The following MEGF11 variants were observed in gnomAD, a reference collection of about 807,000 sequenced individuals.
The protein encoded by MEGF11 is multiple epidermal growth factor-like domains protein 11.
MEGF11 carries 126 observed loss-of-function variants against 146.6 expected under a neutral mutation model. The observed-to-expected ratio is 0.86, with a 90% CI of 0.74 to 1.00. The LOEUF is 1.00. Among genes scored for constraint, MEGF11 ranks in the 50% least tolerant of loss-of-function variants. The probability of loss-of-function intolerance (pLI) is 0.00; values close to 1 mark genes in which losing one functional copy is unlikely to be tolerated. For synonymous variants in MEGF11, 532 were observed against 583.4 expected (o/e 0.91, Z 1.27); for missense variants, 1,509 against 1,521.2 (o/e 0.99, Z 0.13).
At chr15:65,986,516 C>T (rs577290584) in intron 5 of MEGF11, among the ~76,000 whole-genome samples, 1 of 152,202 alleles carries the variant, frequency 6.6e-6, no homozygotes, top group Non-Finnish European at 1.5e-5. Context: ...TGTTAGGGTT[C>T]ACAGGGATAA....
chr15:66,248,206 G>C (rs2092322739), intron 1 of MEGF11, among the ~76,000 whole-genome samples: 2 of 152,152 alleles, frequency 1.3e-5, no homozygotes, highest in African/African-American at 4.8e-5. Flanking sequence ...TTGTGATCTT[G>C]GGAACAGGAA....
intron 1 of MEGF11, among the ~76,000 whole-genome samples, chr15:66,221,454 G>T (rs1469941979): frequency 6.6e-6 from 1 of 151,794 alleles, no homozygotes; most frequent in Non-Finnish European, 1.5e-5. Flanking sequence ...GGTATCTACA[G>T]ACCTCACATA....
chr15:65,913,904 G>A lies in MEGF11; in HGVS notation c.2543C>T (p.Ser848Leu), dbSNP rs1011750700. The A allele has an allele frequency of 3.1e-6, 5 of 1,614,024 alleles. No homozygotes were observed. The highest frequency in any genetic ancestry group is 1.1e-5 in the South Asian group (1 of 91,078). ...ISPALGAERHSVGAVTGIMLL... is the reference protein window; with the variant it reads ...ISPALGAERHLVGAVTGIMLL... ...CATGATGCCTGTGACAGCACCCACC[G>A]AGTGCCGCTCTGCACCCAGTGCTGG... Residue 848 changes from serine to leucine, a missense_variant, in exon 20 of 26, where the codon TCG (serine) becomes TTG (leucine). By Grantham distance (145) the Ser-to-Leu change is moderately radical. Coordinates refer to ENST00000395614, the MANE Select transcript of MEGF11 (RefSeq NM_001385028.1).
intron 9 of MEGF11, among the ~76,000 whole-genome samples, chr15:65,963,856 G>A (rs1024782762): frequency 4.6e-5 from 7 of 152,176 alleles, no homozygotes; most frequent in African/African-American, 1.7e-4. Flanking sequence ...TGCAGTGAAC[G>A]AGGCTCCAGA....
intron 1 of MEGF11, among the ~76,000 whole-genome samples, chr15:66,227,276 G>A (rs1326955815): frequency 6.6e-6 from 1 of 152,144 alleles, no homozygotes; most frequent in Non-Finnish European, 1.5e-5. Context: ...TCCTCCTGGA[G>A]CTGCTGTGAG....
At chr15:66,057,445 G>A (rs905674150) in intron 5 of MEGF11, among the ~76,000 whole-genome samples, 5 of 152,098 alleles carry the variant, frequency 3.3e-5, no homozygotes, top group African/African-American at 9.7e-5. Flanking sequence ...AGAATGCATT[G>A]GTAAGCAGCA....
At chr15:66,086,403 G>A (rs1567233972) in intron 5 of MEGF11, among the ~76,000 whole-genome samples, 1 of 152,226 alleles carries the variant, frequency 6.6e-6, no homozygotes, top group Non-Finnish European at 1.5e-5. Flanking sequence ...CTTAAGGGCT[G>A]TGAGACAGAA....
At chr15:66,020,873 T>TC (rs2083088522) in intron 5 of MEGF11, among the ~76,000 whole-genome samples, 1 of 151,852 alleles carries the variant, frequency 6.6e-6, no homozygotes, top group African/African-American at 2.4e-5. Context: ...GCGCCTGTAG[T>TC]CCCAGCTACT....
At chr15:66,118,513 A>G (rs1170983308) in intron 4 of MEGF11, among the ~76,000 whole-genome samples, 1 of 151,176 alleles carries the variant, frequency 6.6e-6, no homozygotes. Flanking sequence ...TCATGCACCC[A>G]CCTCTTCTCC....
At chr15:66,201,946 C>CAAAAAAA (rs71139471) in intron 1 of MEGF11, among the ~76,000 whole-genome samples, 1 of 31,800 alleles carries the variant, frequency 3.1e-5, no homozygotes, top group African/African-American at 1.4e-4. Flanking sequence ...GACTCCATCT[C>CAAAAAAA]AAAAAAAAAA....
intron 1 of MEGF11, among the ~76,000 whole-genome samples, chr15:66,214,883 G>T (rs1467894969): frequency 1.3e-5 from 2 of 152,092 alleles, no homozygotes; most frequent in Non-Finnish European, 2.9e-5. Flanking sequence ...GAAGATGGGG[G>T]TAAGAGGAGA....
chr15:66,154,206 AAAC>A (rs906999107), intron 1 of MEGF11, among the ~76,000 whole-genome samples: 1 of 152,242 alleles, frequency 6.6e-6, no homozygotes, highest in African/African-American at 2.4e-5. Flanking sequence ...TTGCTACCCG[AAAC>A]AACAACATCA....
In MEGF11 at chr15:65,898,714, T is replaced by G. The variant is rs750910079; in HGVS notation, c.3262+14A>C. On this transcript the variant is annotated intron_variant, in intron 25 of 25. Coordinates refer to ENST00000395614, the MANE Select transcript of MEGF11 (RefSeq NM_001385028.1). Reference sequence around the variant, plus strand: ...TGCCCTGATTTCACTAAGTTACTTATTTGAGACACCTACCAACTTCATATA... The same window carrying G: ...TGCCCTGATTTCACTAAGTTACTTAGTTGAGACACCTACCAACTTCATATA... 29 of 1,612,732 alleles carry G rather than the reference T, an allele frequency of 1.8e-5. No individual in the cohort carries two copies. Among genetic ancestry groups the G allele is most frequent in the Non-Finnish European group, 2.5e-5 (29 of 1,179,382 alleles).
At chr15:66,008,405 GCGCGCGCACACACACACA>G (rs1308441189) in intron 5 of MEGF11, among the ~76,000 whole-genome samples, 4 of 18,064 alleles carry the variant, frequency 2.2e-4, no homozygotes, top group African/African-American at 1.5e-4. Flanking sequence ...ATGCACACGC[GCGCGCGCACACACACACA>G]CACACACACA....
At chr15:65,955,767 T>TATATATATATAG (rs2080580319) in intron 10 of MEGF11, among the ~76,000 whole-genome samples, 1 of 4,940 alleles carries the variant, frequency 2.0e-4, no homozygotes, top group African/African-American at 3.2e-4. Flanking sequence ...AAAAAATATA[T>TATATATATATAG]ATATATATAT....
chr15:66,154,044 G>C (rs1430406502), intron 1 of MEGF11, among the ~76,000 whole-genome samples: 1 of 152,196 alleles, frequency 6.6e-6, no homozygotes, highest in East Asian at 1.9e-4. Context: ...CAGCTGGGCT[G>C]CCACTAGCCC....
At chr15:66,127,450 G>C (rs972385217) in intron 2 of MEGF11, among the ~76,000 whole-genome samples, 1 of 152,188 alleles carries the variant, frequency 6.6e-6, no homozygotes, top group Non-Finnish European at 1.5e-5. Flanking sequence ...CTAGGGCTGG[G>C]CTATCCACCC....
chr15:66,084,533 A>T (rs1321387846), intron 5 of MEGF11, among the ~76,000 whole-genome samples: 2 of 151,552 alleles, frequency 1.3e-5, no homozygotes, highest in African/African-American at 4.9e-5. Context: ...TCCCGAACAC[A>T]CCCCCCCACT....
chr15:65,924,176 G>A (rs902273627), intron 13 of MEGF11, among the ~76,000 whole-genome samples: 7 of 152,100 alleles, frequency 4.6e-5, no homozygotes, highest in South Asian at 2.1e-4. Context: ...CTGGGCTGGC[G>A]AGGAGAGGGG....
Sources: gnomAD v4.1 joint callset for allele counts (sites outside exome capture counted in the v4.1 genomes callset) on GRCh38, gnomAD v4.1.1 for gene constraint, MANE v1.5 for transcripts, NCBI Gene and HGNC (gene_info 2026-07-23, HGNC 2026-07-21) for gene names.